SEC24D: variants seen among roughly 807,000 people sequenced by gnomAD.
SEC24D encodes SEC24 homolog D, COPII component.
Under a neutral mutation model 116.9 loss-of-function variants are expected in SEC24D, and 69 were observed. The observed-to-expected ratio is 0.59, with a 90% CI of 0.49 to 0.72. SEC24D has a LOEUF of 0.72. SEC24D is among the 30% of genes least tolerant of loss of function. SEC24D has a pLI of 0.00. For missense variants in SEC24D, 1,131 were observed against 1,264.1 expected, an observed-to-expected ratio of 0.89 and a Z score of 1.60; for synonymous variants, 405 against 442.8, an observed-to-expected ratio of 0.91 and a Z score of 1.07.
rs147901673 is a variant in SEC24D at position 118,815,833 on chromosome 4, G to A, written c.398-107C>T. 7,851 of 1,222,582 alleles carry A rather than the reference G, an allele frequency of 6.4e-3. 45 individuals are homozygous for A. The highest frequency in any genetic ancestry group is 8.1e-3 in the Non-Finnish European group (7,101 of 871,966). 75.7% of individuals were successfully genotyped at this position (1,222,582 alleles called of 1,614,324 possible). A position where few individuals can be genotyped will look rare whatever the true frequency, so the allele number is the denominator to read the frequency against. ...TTGTTTTCCTGACATAAAGCAAGAG[G>A]ACACCCTTAGAAACACATGTTTGGG... On this transcript the variant is annotated intron_variant, in intron 4 of 22. Coordinates refer to ENST00000280551, the MANE Select transcript of SEC24D (RefSeq NM_014822.4).
At chr4:118,795,949 G>A (rs772016022) in intron 8 of SEC24D, among the ~76,000 whole-genome samples, 14 of 152,234 alleles carry the variant, frequency 9.2e-5, no homozygotes, top group Admixed American at 2.0e-4. Context: ...AAAATAATCC[G>A]TAAGCAAATT....
chr4:118,754,697 G>C (rs1468098070), intron 11 of SEC24D, among the ~76,000 whole-genome samples: 3 of 152,122 alleles, frequency 2.0e-5, no homozygotes, highest in African/African-American at 4.8e-5. Context: ...CCCAACTCCA[G>C]TTTAGTCATG....
At chr4:118,825,401 CTG>C in intron 2 of SEC24D, 1 of 359,440 alleles carries the variant, frequency 2.8e-6, no homozygotes, top group East Asian at 7.3e-5. Context: ...CTGGGAATGT[CTG>C]TGTTTTCATT....
intron 8 of SEC24D, among the ~76,000 whole-genome samples, chr4:118,771,520 G>A (rs190375162): frequency 3.3e-5 from 5 of 152,092 alleles, no homozygotes; most frequent in Admixed American, 3.3e-4. Flanking sequence ...ATACTGTGCT[G>A]ATACTAATTT....
At chr4:118,782,449 T>C (rs1009505789) in intron 8 of SEC24D, among the ~76,000 whole-genome samples, 7 of 152,276 alleles carry the variant, frequency 4.6e-5, no homozygotes, top group African/African-American at 2.4e-5. Flanking sequence ...ACAGCAAATA[T>C]TGCTGCCTGA....
chr4:118,763,412 C>T (rs1374316672), intron 10 of SEC24D, among the ~76,000 whole-genome samples: 1 of 152,126 alleles, frequency 6.6e-6, no homozygotes, highest in Admixed American at 6.6e-5. Context: ...ATCATCTACA[C>T]TCAATACATG....
intron 8 of SEC24D, among the ~76,000 whole-genome samples, chr4:118,780,251 T>C: frequency 6.6e-6 from 1 of 152,218 alleles, no homozygotes; most frequent in East Asian, 1.9e-4. Flanking sequence ...GCTATAAATT[T>C]CCCTCTACAC....
At chr4:118,785,390 T>G (rs1728626035) in intron 8 of SEC24D, among the ~76,000 whole-genome samples, 1 of 152,228 alleles carries the variant, frequency 6.6e-6, no homozygotes, top group Non-Finnish European at 1.5e-5. Context: ...ATGTGGTCCC[T>G]ACCCTTGTGA....
At chr4:118,770,312 A>C (rs1379494575) in intron 8 of SEC24D, among the ~76,000 whole-genome samples, 1 of 152,218 alleles carries the variant, frequency 6.6e-6, no homozygotes, top group African/African-American at 2.4e-5. Context: ...TTGAGGAGGC[A>C]AGAGAGAAGC....
intron 8 of SEC24D, among the ~76,000 whole-genome samples, chr4:118,786,123 C>T (rs757967246): frequency 1.8e-4 from 28 of 152,136 alleles, no homozygotes; most frequent in Non-Finnish European, 3.5e-4. Context: ...TCAATTTATG[C>T]ACCTAACTCC....
chr4:118,789,667 C>G (rs1184080396), intron 8 of SEC24D, among the ~76,000 whole-genome samples: 2 of 152,258 alleles, frequency 1.3e-5, no homozygotes, highest in African/African-American at 4.8e-5. Flanking sequence ...TCACTGCAAC[C>G]TCTGCCTCCC....
At chr4:118,795,840 G>C (rs1284494113) in intron 8 of SEC24D, among the ~76,000 whole-genome samples, 3 of 152,274 alleles carry the variant, frequency 2.0e-5, no homozygotes, top group East Asian at 1.9e-4. Context: ...TGTTTTGATA[G>C]GTGTCTCGGC....
At chr4:118,801,320 T>C (rs1220771385) in intron 7 of SEC24D, among the ~76,000 whole-genome samples, 1 of 151,584 alleles carries the variant, frequency 6.6e-6, no homozygotes, top group African/African-American at 2.4e-5. Flanking sequence ...ATTAAGTAAT[T>C]GAAGAAAATC....
chr4:118,741,506 C>T (rs928051666), intron 15 of SEC24D, among the ~76,000 whole-genome samples: 4 of 152,132 alleles, frequency 2.6e-5, no homozygotes, highest in African/African-American at 4.8e-5. Flanking sequence ...CTACGATCAC[C>T]GTATTTCTGA....
rs561327828 is a variant in SEC24D at position 118,753,923 on chromosome 4, T to C, written c.1422-1035A>G. ...AAAGGAACCTGGTTTGCCCAGCTTC[T>C]AAATTTTGCATACGGCCTAAAGAGT... On this transcript the variant is annotated intron_variant, in intron 11 of 22. Coordinates refer to ENST00000280551, the MANE Select transcript of SEC24D (RefSeq NM_014822.4). 3.3e-5 allele frequency: 5 copies of C among 152,290 alleles called. No homozygotes were observed. The East Asian group carries it at 9.6e-4, about 29-fold the overall frequency. The allele number at this position is 152,290 out of a possible 1,614,324, so 9.4% of individuals were successfully genotyped here. A position where few individuals can be genotyped will look rare whatever the true frequency, so the allele number is the denominator to read the frequency against.
In SEC24D at chr4:118,809,477, T is replaced by C. The variant is rs188178740; in HGVS notation, c.802-3523A>G. 8.4e-4 allele frequency among the ~76,000 whole-genome samples: 128 copies of C among 152,334 alleles called. No homozygotes were observed. In the East Asian group the frequency reaches 0.021, roughly 25 times the overall value. On this transcript the variant is annotated intron_variant, in intron 6 of 22. Coordinates refer to ENST00000280551, the MANE Select transcript of SEC24D (RefSeq NM_014822.4). ...ACATCTTTCTTTCCAGAAGGAAAAATTTATTTTGTTAGCAAAAGTATGTTC... is the reference window on the plus strand; with the variant it reads ...ACATCTTTCTTTCCAGAAGGAAAAACTTATTTTGTTAGCAAAAGTATGTTC...
At chr4:118,817,698 C>G (rs1055373823) in intron 3 of SEC24D, among the ~76,000 whole-genome samples, 1 of 151,856 alleles carries the variant, frequency 6.6e-6, no homozygotes, top group Non-Finnish European at 1.5e-5. Flanking sequence ...CTGAGCCAAC[C>G]AGAGCCTTAT....
chr4:118,789,994 G>C (rs1388009313), intron 8 of SEC24D, among the ~76,000 whole-genome samples: 1 of 152,194 alleles, frequency 6.6e-6, no homozygotes, highest in South Asian at 2.1e-4. Context: ...ATCCCCATCA[G>C]AGCCTTTTTC....
rs1315841869 is a variant in SEC24D, at chr4:118,805,928, G to A, written c.828C>T (p.Ala276=). 1 of 1,596,222 alleles carries A rather than the reference G, an allele frequency of 6.3e-7. No homozygotes were observed. The change falls in exon 7 of 23, where the codon GCC becomes GCT. Residue 276 remains alanine (A), a synonymous_variant. Coordinates refer to ENST00000280551, the MANE Select transcript of SEC24D (RefSeq NM_014822.4). The part of the protein sequence containing the change: ...SPIQVIENDR[A]SRGGQVYATN... Reference sequence around the variant, plus strand: ...TGGCATAAACTTGTCCTCCTCTGCTGGCTCTATCATTCTCAATCACCTGGA... The same window carrying A: ...TGGCATAAACTTGTCCTCCTCTGCTAGCTCTATCATTCTCAATCACCTGGA...
Sources: allele counts gnomAD v4.1 joint callset (sites outside exome capture counted in the v4.1 genomes callset), GRCh38; gene constraint gnomAD v4.1.1; transcripts MANE v1.5; gene names NCBI Gene and HGNC (gene_info 2026-07-23, HGNC 2026-07-21).